Variants in PAPOLG observed in about 807,000 individuals in gnomAD.
PAPOLG encodes the protein poly(A) polymerase gamma.
In PAPOLG, 40 loss-of-function variants were observed where a neutral mutation model predicts 99.0. The ratio of observed to expected loss-of-function variants is 0.40; its 90% confidence interval spans 0.31 to 0.53. The LOEUF (loss-of-function observed/expected upper bound fraction) is 0.53, where lower values mean the gene tolerates loss of function less well. Among genes scored for constraint, PAPOLG ranks in the 20% least tolerant of loss-of-function variants. The pLI, the probability that PAPOLG is intolerant of heterozygous loss-of-function variation, is 0.41. For synonymous variants in PAPOLG, 310 were observed against 299.3 expected (o/e 1.04, Z -0.37); for missense variants, 675 against 884.1 (o/e 0.76, Z 3.00).
chr2:60,772,559 G>C (rs1670887226), intron 7 of PAPOLG, among the ~76,000 whole-genome samples: 5 of 151,952 alleles, frequency 3.3e-5, no homozygotes, highest in Admixed American at 3.3e-4. Context: ...GACCAGCCTG[G>C]ACAACATGGT....
intron 14 of PAPOLG, 42 bp from the exon 15 acceptor site, chr2:60,787,469 A>T: frequency 6.4e-7 from 1 of 1,559,338 alleles, no homozygotes; most frequent in Non-Finnish European, 8.7e-7. Flanking sequence ...AGTTGTAAAA[A>T]ATAATAATAA....
At chr2:60,789,116 G>A (rs1206087960) in intron 15 of PAPOLG, among the ~76,000 whole-genome samples, 1 of 150,346 alleles carries the variant, frequency 6.7e-6, no homozygotes, top group Non-Finnish European at 1.5e-5. Context: ...TCATAGGTGG[G>A]AACTGAACAA....
intron 15 of PAPOLG, among the ~76,000 whole-genome samples, chr2:60,787,941 C>T (rs1671416277): frequency 6.6e-6 from 1 of 151,736 alleles, no homozygotes; most frequent in South Asian, 2.1e-4. Context: ...GCTTGGGAGG[C>T]TGAGGCAGGA....
intron 1 of PAPOLG, among the ~76,000 whole-genome samples, chr2:60,756,829 C>T (rs1360649716): frequency 6.6e-6 from 1 of 152,196 alleles, no homozygotes; most frequent in Non-Finnish European, 1.5e-5. Context: ...CTGAGCCCGT[C>T]TGCTCCTGTC....
intron 6 of PAPOLG, 110 bp from the exon 7 acceptor site, chr2:60,771,409 A>T: frequency 7.5e-7 from 1 of 1,331,418 alleles, no homozygotes; most frequent in Non-Finnish European, 9.8e-7. Flanking sequence ...GCTTTGGTAG[A>T]ACTTCCCAAA....
chr2:60,793,664 C>T lies in PAPOLG; in HGVS notation c.1717C>T (p.Pro573Ser). Reference protein sequence around the residue: ...AEPAAVIVEKPLSVPPAQGLS... With the variant: ...AEPAAVIVEKSLSVPPAQGLS... Reference sequence around the variant, plus strand: ...GCCTGCTGCTGTAATTGTGGAGAAGCCACTGAGTGTACCACCAGCCCAAGG... The same window carrying T: ...GCCTGCTGCTGTAATTGTGGAGAAGTCACTGAGTGTACCACCAGCCCAAGG... Residue 573 changes from proline (P) to serine (S), a missense_variant, in exon 18 of 22, where the codon CCA becomes TCA. Transcript: ENST00000238714. The T allele has an allele frequency of 6.2e-7, 1 of 1,613,862 alleles. No homozygotes were observed. Among genetic ancestry groups the T allele is most frequent in the Non-Finnish European group, 8.5e-7 (1 of 1,179,826 alleles).
At position 60,794,207 on chromosome 2, in the gene PAPOLG, TA is replaced by T. The variant is rs1671630684; in HGVS notation, c.1989+17del. The T allele has an allele frequency of 1.9e-6, 3 of 1,605,012 alleles. No individual in the cohort carries two copies. In the East Asian group the frequency reaches 6.7e-5, roughly 36 times the overall value. ...CGTAGAAAAGGTAAAGTTACAACTT[TA>T]GTGGTAATTCAGTAGTTGATATTTT... is the stretch of plus-strand genomic sequence containing the variant. On this transcript the variant is annotated intron_variant, in intron 19 of 21. Transcript: ENST00000238714.
chr2:60,764,652 C>G (rs967671797), intron 3 of PAPOLG, among the ~76,000 whole-genome samples: 8 of 152,092 alleles, frequency 5.3e-5, no homozygotes, highest in Admixed American at 1.3e-4. Context: ...TCTCGAACTC[C>G]TGAGTTCAAG....
intron 3 of PAPOLG, among the ~76,000 whole-genome samples, chr2:60,762,392 A>C (rs1041245557): frequency 6.6e-6 from 1 of 152,010 alleles, no homozygotes; most frequent in South Asian, 2.1e-4. Context: ...TGCTTTGTGT[A>C]GTGCAGTCCT....
chr2:60,775,003 T>G, intron 7 of PAPOLG, 31 bp from the exon 8 acceptor site: 1 of 1,611,174 alleles, frequency 6.2e-7, no homozygotes, highest in Non-Finnish European at 8.5e-7. Flanking sequence ...ATTTGCTGCA[T>G]AGTGAAAAAT....
In PAPOLG at chr2:60,781,988, T is replaced by C; in HGVS notation, c.1010T>C (p.Val337Ala). 1 of 1,613,974 alleles carries C rather than the reference T, an allele frequency of 6.2e-7. No homozygotes were observed. Among genetic ancestry groups the C allele is most frequent in the Non-Finnish European group, 8.5e-7 (1 of 1,179,888 alleles). The change falls in exon 11 of 22, where the codon GTA (valine) becomes GCA (alanine). Residue 337 changes from valine to alanine, a missense_variant. This residue lies in a region of PAPOLG where 113 missense variants were observed against 231.5 expected (regional missense o/e 0.49). Transcript: ENST00000238714. ...TCCACATCAACTCGAACAGTAATGG[T>C]AGAAGAATTTAAACAAGGTAAACAT... Reference protein sequence around the residue: ...NVSTSTRTVMVEEFKQGLAVT... With the variant: ...NVSTSTRTVMAEEFKQGLAVT...
At chr2:60,783,500 CTTT>C (rs761205449) in intron 13 of PAPOLG, among the ~76,000 whole-genome samples, 8 of 45,360 alleles carry the variant, frequency 1.8e-4, no homozygotes, top group Non-Finnish European at 3.6e-4. Context: ...TTTACCCGGC[CTTT>C]TTTTTTTTTT....
intron 15 of PAPOLG, among the ~76,000 whole-genome samples, chr2:60,790,217 A>G (rs1449761372): frequency 6.6e-6 from 1 of 152,220 alleles, no homozygotes; most frequent in South Asian, 2.1e-4. Context: ...TTCATAATCA[A>G]TCTGGAATAA....
chr2:60,768,095 A>G (rs1350516066), intron 3 of PAPOLG, among the ~76,000 whole-genome samples: 1 of 152,064 alleles, frequency 6.6e-6, no homozygotes, highest in Non-Finnish European at 1.5e-5. Context: ...AGTAGACATT[A>G]TGGTGATTTT....
At chr2:60,766,521 C>A (rs13398041) in intron 3 of PAPOLG, among the ~76,000 whole-genome samples, 3 of 151,658 alleles carry the variant, frequency 2.0e-5, no homozygotes, top group Admixed American at 2.0e-4. Flanking sequence ...TAAAAATTAC[C>A]CAGGCACAGT....
rs186961019 is a variant in PAPOLG at position 60,801,875 on chromosome 2, G to A, written c.*4715G>A. ...AAGACCCACGTACTTATCTTAGAAA[G>A]TACTTAGGATATCTTTGAGATTAAT... is the stretch of plus-strand genomic sequence containing the variant. On this transcript the variant is annotated 3_prime_UTR_variant, in exon 22 of 22. Transcript: ENST00000238714. The A allele has an allele frequency of 6.6e-6, 1 of 152,408 alleles. No homozygotes were observed. The highest frequency in any genetic ancestry group is 1.9e-4 in the East Asian group (1 of 5,330). 9.4% of individuals were successfully genotyped at this position (152,408 alleles called of 1,614,324 possible). A position where few individuals can be genotyped will look rare whatever the true frequency, so the allele number is the denominator to read the frequency against.
chr2:60,794,040 A>G lies in PAPOLG; in HGVS notation c.1838A>G (p.Asn613Ser), dbSNP rs755441828. Residue 613 changes from asparagine (N) to serine (S), a missense_variant, in exon 19 of 22, where the codon AAT (asparagine) becomes AGT (serine). Around this residue, in one of 3 missense-constraint regions of PAPOLG, gnomAD observed 413 missense variants for 460.5 expected, o/e 0.90. Coordinates refer to ENST00000238714, the MANE Select transcript of PAPOLG (RefSeq NM_022894.4). ...ACCATTCCTACCGTAGTAGGACGAA[A>G]TGTCATTCCTAGAATCACAACACCT... is the stretch of plus-strand genomic sequence containing the variant. ...VCTIPTVVGR[N>S]VIPRITTPHN... The G allele has an allele frequency of 5.0e-6, 8 of 1,613,908 alleles. No homozygotes were observed. Among genetic ancestry groups the G allele is most frequent in the African/African-American group, 4.0e-5 (3 of 74,918 alleles).
chr2:60,794,685 A>G (rs374783787), intron 19 of PAPOLG, 25 bp from the exon 20 acceptor site: 270 of 1,594,124 alleles, frequency 1.7e-4, no homozygotes, highest in Non-Finnish European at 2.1e-4. Context: ...CATAATAGCA[A>G]TCTATTTCAA....
At chr2:60,784,742 C>T (rs889217209) in intron 13 of PAPOLG, among the ~76,000 whole-genome samples, 1 of 152,124 alleles carries the variant, frequency 6.6e-6, no homozygotes, top group Non-Finnish European at 1.5e-5. Flanking sequence ...GGAACATAGC[C>T]ATGTTTCTTC....
Sources: gnomAD v4.1 joint callset for allele counts (sites outside exome capture counted in the v4.1 genomes callset) on GRCh38, gnomAD v4.1.1 for gene constraint, gnomAD v4.1.1 regional missense constraint, MANE v1.5 for transcripts, NCBI Gene and HGNC (gene_info 2026-07-23, HGNC 2026-07-21) for gene names.